Variants in KCND2 observed in about 807,000 individuals in gnomAD.
KCND2 encodes the protein potassium voltage-gated channel subfamily D member 2.
A neutral mutation model predicts 54.4 loss-of-function variants in KCND2; 16 were observed. The observed-to-expected ratio is 0.29, with a 90% CI of 0.20 to 0.45. The LOEUF is 0.45. Among genes scored for constraint, KCND2 ranks in the 20% least tolerant of loss-of-function variants. The pLI is 1.00. For synonymous variants in KCND2, 317 were observed against 310.7 expected, an observed-to-expected ratio of 1.02 and a Z score of -0.21; for missense variants, 486 against 824.2, an observed-to-expected ratio of 0.59 and a Z score of 5.02.
rs1793043067 is a variant in KCND2 at position 120,749,194 on chromosome 7, C to T, written c.*1336C>T. On this transcript the variant is annotated 3_prime_UTR_variant, in exon 6 of 6. Coordinates refer to ENST00000331113, the MANE Select transcript of KCND2 (RefSeq NM_012281.3). ...TGAAATGTAGAGATACACTGGAGTG[C>T]TTTATTTAGCAATATTTGATGAAAG... 1.3e-5 allele frequency: 2 copies of T among 151,844 alleles called. No homozygotes were observed. The highest frequency in any genetic ancestry group is 6.6e-5 in the Admixed American group (1 of 15,216). 9.4% of individuals were successfully genotyped at this position (151,844 alleles called of 1,614,324 possible).
intron 1 of KCND2, among the ~76,000 whole-genome samples, chr7:120,436,437 T>C (rs1241284051): frequency 6.6e-6 from 1 of 152,230 alleles, no homozygotes; most frequent in African/African-American, 2.4e-5. Context: ...AGTTGTCCTA[T>C]ATGTCATTCA....
intron 1 of KCND2, among the ~76,000 whole-genome samples, chr7:120,364,863 T>A (rs1800644381): frequency 6.6e-6 from 1 of 152,080 alleles, no homozygotes; most frequent in African/African-American, 2.4e-5. Context: ...AAAACTGTAT[T>A]TGACAAAGAA....
chr7:120,545,122 C>T (rs767284076), intron 1 of KCND2, among the ~76,000 whole-genome samples: 1 of 151,812 alleles, frequency 6.6e-6, no homozygotes, highest in Non-Finnish European at 1.5e-5. Flanking sequence ...AGATTCTAAT[C>T]CTAAAACATG....
intron 1 of KCND2, among the ~76,000 whole-genome samples, chr7:120,640,498 C>T (rs898223292): frequency 6.6e-6 from 1 of 152,016 alleles, no homozygotes; most frequent in Non-Finnish European, 1.5e-5. Context: ...CGTGCATTTC[C>T]GTAAAGAACA....
chr7:120,521,784 A>G (rs1157145193), intron 1 of KCND2, among the ~76,000 whole-genome samples: 1 of 152,174 alleles, frequency 6.6e-6, no homozygotes, highest in Admixed American at 6.6e-5. Flanking sequence ...GTATACATGC[A>G]TACACATGTA....
chr7:120,511,336 A>G (rs1448872635), intron 1 of KCND2, among the ~76,000 whole-genome samples: 2 of 152,062 alleles, frequency 1.3e-5, no homozygotes, highest in Non-Finnish European at 2.9e-5. Flanking sequence ...ACTCTACATT[A>G]AATTGCTCAT....
At chr7:120,560,308 G>GT in intron 1 of KCND2, among the ~76,000 whole-genome samples, 1 of 152,086 alleles carries the variant, frequency 6.6e-6, no homozygotes, top group South Asian at 2.1e-4. Context: ...CTATTCAGTA[G>GT]TTTTAAAAGG....
At chr7:120,601,091 T>G (rs1360027705) in intron 1 of KCND2, among the ~76,000 whole-genome samples, 1 of 152,108 alleles carries the variant, frequency 6.6e-6, no homozygotes, top group Non-Finnish European at 1.5e-5. Context: ...GTGCAAACCC[T>G]TATGCTAGGT....
intron 1 of KCND2, among the ~76,000 whole-genome samples, chr7:120,543,895 C>A (rs1040021281): frequency 6.6e-6 from 1 of 151,922 alleles, no homozygotes; most frequent in East Asian, 1.9e-4. Flanking sequence ...AAATTTTCAG[C>A]AATTATTATC....
intron 1 of KCND2, among the ~76,000 whole-genome samples, chr7:120,376,588 A>G (rs1800838010): frequency 6.6e-6 from 1 of 151,338 alleles, no homozygotes; most frequent in African/African-American, 2.4e-5. Flanking sequence ...ATATAAAAAT[A>G]CATTTGCATT....
intron 1 of KCND2, among the ~76,000 whole-genome samples, chr7:120,306,619 A>G (rs892310118): frequency 2.0e-5 from 3 of 152,014 alleles, no homozygotes; most frequent in Non-Finnish European, 4.4e-5. Context: ...TTATAAAGCC[A>G]TATTCAAAAT....
Position 120,349,581 on chromosome 7 carries a change from G to T in KCND2, c.1115+73834G>T, listed in dbSNP as rs939445823. Among the ~76,000 whole-genome samples the T allele has an allele frequency of 1.4e-4, 21 of 152,108 alleles. 1 individual carries two copies. Among genetic ancestry groups the T allele is most frequent in the African/African-American group, 4.8e-4 (20 of 41,422 alleles). ...AAATAGCATTCATGCTGATAATTCAGATTTGACCTGCTGCTAAATCTTTCT... is the reference window on the plus strand; with the variant it reads ...AAATAGCATTCATGCTGATAATTCATATTTGACCTGCTGCTAAATCTTTCT... On this transcript the variant is annotated intron_variant, in intron 1 of 5. Coordinates refer to ENST00000331113, the MANE Select transcript of KCND2 (RefSeq NM_012281.3).
chr7:120,745,078 T>C (rs1792989276), intron 4 of KCND2, among the ~76,000 whole-genome samples: 1 of 152,112 alleles, frequency 6.6e-6, no homozygotes, highest in Non-Finnish European at 1.5e-5. Context: ...AGATCATGAG[T>C]ACAGCCAGTG....
intron 1 of KCND2, among the ~76,000 whole-genome samples, chr7:120,342,379 T>C (rs897360386): frequency 6.6e-6 from 1 of 152,170 alleles, no homozygotes; most frequent in African/African-American, 2.4e-5. Context: ...GATTCAAATA[T>C]TGAATGCATT....
intron 1 of KCND2, among the ~76,000 whole-genome samples, chr7:120,536,086 G>A (rs1441769143): frequency 1.3e-5 from 2 of 152,120 alleles, no homozygotes; most frequent in Non-Finnish European, 2.9e-5. Flanking sequence ...GTGTCGTTCA[G>A]TTCCACACAA....
Position 120,418,432 on chromosome 7 carries a change from T to C in KCND2, c.1115+142685T>C, listed in dbSNP as rs115964877. Among the ~76,000 whole-genome samples, 544 of 152,006 alleles carry C rather than the reference T, an allele frequency of 3.6e-3. 2 individuals are homozygous for C. Among genetic ancestry groups the C allele is most frequent in the African/African-American group, 0.012 (496 of 41,360 alleles). On this transcript the variant is annotated intron_variant, in intron 1 of 5. Transcript: ENST00000331113. ...AAACAATGAAAATGTGGCTCAAGTATAGGCTACTTTCAGCAACCAAACTGC... is the reference window on the plus strand; with the variant it reads ...AAACAATGAAAATGTGGCTCAAGTACAGGCTACTTTCAGCAACCAAACTGC...
At chr7:120,335,654 T>C (rs1047025245) in intron 1 of KCND2, among the ~76,000 whole-genome samples, 11 of 151,676 alleles carry the variant, frequency 7.3e-5, no homozygotes, top group Non-Finnish European at 1.5e-4. Context: ...CCTGGCTAAT[T>C]TTTTGTATTT....
At position 120,352,459 on chromosome 7, in the gene KCND2, TACACACACACACACACAC is replaced by T. The variant is rs199700951; in HGVS notation, c.1115+76734_1115+76751del. Among the ~76,000 whole-genome samples, 9 of 148,214 alleles carry T rather than the reference TACACACACACACACACAC, an allele frequency of 6.1e-5. No individual in the cohort carries two copies. The East Asian group carries it at 1.4e-3, about 23-fold the overall frequency. On this transcript the variant is annotated intron_variant, in intron 1 of 5. Coordinates refer to ENST00000331113, the MANE Select transcript of KCND2 (RefSeq NM_012281.3). ...ATACAAATATATATACACACATACA[TACACACACACACACACAC>T]ACACACACACACACACACACAACAT... is the stretch of plus-strand genomic sequence containing the variant.
chr7:120,499,817 A>G (rs1802906465), intron 1 of KCND2, among the ~76,000 whole-genome samples: 1 of 152,128 alleles, frequency 6.6e-6, no homozygotes, highest in African/African-American at 2.4e-5. Context: ...CATCTATCAT[A>G]TAGCACAAAA....
Sources: gnomAD v4.1 joint callset for allele counts (sites outside exome capture counted in the v4.1 genomes callset) on GRCh38, gnomAD v4.1.1 for gene constraint, MANE v1.5 for transcripts, NCBI Gene and HGNC (gene_info 2026-07-23, HGNC 2026-07-21) for gene names.